Variants in CHCHD6 observed in about 807,000 individuals in gnomAD.
The protein encoded by CHCHD6 is coiled-coil-helix-coiled-coil-helix domain containing 6, also known as MICOS complex subunit MIC25.
In CHCHD6, 28 loss-of-function variants were observed where a neutral mutation model predicts 32.3. The ratio of observed to expected loss-of-function variants is 0.87; its 90% CI spans 0.64 to 1.19. The LOEUF (loss-of-function observed/expected upper bound fraction) is 1.19. CHCHD6 is among the 50% of genes most tolerant of loss of function. CHCHD6 has a pLI of 0.00. For synonymous variants in CHCHD6, 122 were observed against 117.5 expected (o/e 1.04, Z -0.25); for missense variants, 333 against 307.0 (o/e 1.08, Z -0.63).
intron 5 of CHCHD6, among the ~76,000 whole-genome samples, chr3:126,899,714 T>A (rs1387445493): frequency 6.6e-6 from 1 of 152,044 alleles, no homozygotes; most frequent in African/African-American, 2.4e-5. Flanking sequence ...GTCTTGAGAG[T>A]GCCCTTCCAT....
intron 6 of CHCHD6, among the ~76,000 whole-genome samples, chr3:126,931,723 G>T (rs2078409396): frequency 2.6e-5 from 4 of 152,102 alleles, no homozygotes; most frequent in Admixed American, 6.6e-5. Flanking sequence ...CCCCTTCTTA[G>T]TCCTCTGTTC....
intron 5 of CHCHD6, among the ~76,000 whole-genome samples, chr3:126,856,499 A>T (rs534504788): frequency 7.9e-5 from 12 of 152,254 alleles, no homozygotes; most frequent in Admixed American, 7.2e-4. Flanking sequence ...TGGCCGCTGA[A>T]CCCCTTGCCA....
In CHCHD6 at chr3:126,708,650, G is replaced by GAAAAA. The variant is rs552128932; in HGVS notation, c.87+4264_87+4268dup. ...CCAGTGTAGCAAGACCCCATCTCTT[G>GAAAAA]AAAAAAAAAAAAAAAAAGCTTTATT... On this transcript the variant is annotated intron_variant, in intron 1 of 7. Coordinates refer to ENST00000290913, the MANE Select transcript of CHCHD6 (RefSeq NM_032343.3). Among the ~76,000 whole-genome samples the GAAAAA allele has an allele frequency of 2.3e-3, 205 of 90,998 alleles. 3 individuals are homozygous for GAAAAA. The highest frequency in any genetic ancestry group is 0.015 in the South Asian group (40 of 2,638). 59.7% of individuals were successfully genotyped at this position (90,998 alleles called of 152,430 possible). A position where few individuals can be genotyped will look rare whatever the true frequency, so the allele number is the denominator to read the frequency against.
At chr3:126,768,034 C>T (rs994702432) in intron 4 of CHCHD6, among the ~76,000 whole-genome samples, 2 of 152,134 alleles carry the variant, frequency 1.3e-5, no homozygotes, top group Admixed American at 6.5e-5. Context: ...TCTTTCCTAT[C>T]GTGAATAGTG....
chr3:126,834,078 A>AAG (rs1940758058), intron 4 of CHCHD6, among the ~76,000 whole-genome samples: 1 of 150,202 alleles, frequency 6.7e-6, no homozygotes. Flanking sequence ...AAAAAAAAAA[A>AAG]GAATTACCAA....
In CHCHD6 at chr3:126,830,532, G is replaced by T. The variant is rs189495638; in HGVS notation, c.412-22115G>T. 4.6e-5 allele frequency among the ~76,000 whole-genome samples: 7 copies of T among 152,266 alleles called. No homozygotes were observed. In the East Asian group the frequency reaches 1.4e-3, roughly 29 times the overall value. On this transcript the variant is annotated intron_variant, in intron 4 of 7. Coordinates refer to ENST00000290913, the MANE Select transcript of CHCHD6 (RefSeq NM_032343.3). ...CACAACAGAACTTGCTGTCTTCCTCGCCCCCTGCTCTACCAGTGTTCTGTT... is the reference window on the plus strand; with the variant it reads ...CACAACAGAACTTGCTGTCTTCCTCTCCCCCTGCTCTACCAGTGTTCTGTT...
At chr3:126,957,692 A>C in intron 7 of CHCHD6, 141 bp downstream of exon 7, 1 of 1,077,240 alleles carries the variant, frequency 9.3e-7, no homozygotes, top group Non-Finnish European at 1.4e-6. Context: ...TTGCCAAGGG[A>C]GGGATTCTTC....
At chr3:126,862,187 C>G (rs1255237690) in intron 5 of CHCHD6, among the ~76,000 whole-genome samples, 1 of 101,718 alleles carries the variant, frequency 9.8e-6, no homozygotes, top group Non-Finnish European at 2.0e-5. Context: ...TCCTCCTCCA[C>G]CATCACAACC....
At chr3:126,860,162 G>T (rs541310779) in intron 5 of CHCHD6, among the ~76,000 whole-genome samples, 5 of 152,216 alleles carry the variant, frequency 3.3e-5, no homozygotes, top group African/African-American at 1.2e-4. Context: ...AGTGTGAGAG[G>T]CCTATAGAGA....
At chr3:126,795,971 G>A (rs1938773880) in intron 4 of CHCHD6, among the ~76,000 whole-genome samples, 1 of 152,152 alleles carries the variant, frequency 6.6e-6, no homozygotes, top group South Asian at 2.1e-4. Context: ...CAGTTTCAGT[G>A]GTGGGGTTTG....
At chr3:126,907,883 G>A (rs1203753987) in intron 5 of CHCHD6, among the ~76,000 whole-genome samples, 1 of 152,122 alleles carries the variant, frequency 6.6e-6, no homozygotes. Context: ...TCTTCCCAAG[G>A]GACAGCTGGG....
chr3:126,882,152 C>T (rs1365155005), intron 5 of CHCHD6, among the ~76,000 whole-genome samples: 1 of 152,188 alleles, frequency 6.6e-6, no homozygotes, highest in Admixed American at 6.5e-5. Flanking sequence ...CCGTCAGGGG[C>T]GTCTGCCAGA....
intron 5 of CHCHD6, among the ~76,000 whole-genome samples, chr3:126,890,505 C>T (rs994878647): frequency 4.6e-5 from 7 of 152,082 alleles, no homozygotes; most frequent in Admixed American, 2.0e-4. Context: ...CAGGACTCTG[C>T]GAGGCCCCTG....
At chr3:126,719,669 G>A (rs187995626) in intron 1 of CHCHD6, among the ~76,000 whole-genome samples, 93 of 152,286 alleles carry the variant, frequency 6.1e-4, no homozygotes, top group African/African-American at 2.1e-3. Flanking sequence ...ACTGGGTATC[G>A]TTTCTCACCT....
chr3:126,714,076 CAAAAAA>C (rs1157910763), intron 1 of CHCHD6, among the ~76,000 whole-genome samples: 2,950 of 28,512 alleles, frequency 0.1, 34 homozygotes, highest in Non-Finnish European at 0.14. Flanking sequence ...GACTGCATCT[CAAAAAA>C]AAAAAAAAAA....
intron 1 of CHCHD6, 108 bp from the exon 2 acceptor site, chr3:126,726,970 G>C (rs560271007): frequency 1.3e-6 from 1 of 754,070 alleles, no homozygotes; most frequent in Admixed American, 2.2e-5. Flanking sequence ...AGTTGGTCTT[G>C]AGGAAGCAGC....
chr3:126,754,093 C>T (rs1313770050), intron 4 of CHCHD6, among the ~76,000 whole-genome samples: 1 of 152,188 alleles, frequency 6.6e-6, no homozygotes, highest in Non-Finnish European at 1.5e-5. Context: ...ATAAAATAGT[C>T]ATAGCAGTTA....
intron 5 of CHCHD6, among the ~76,000 whole-genome samples, chr3:126,856,897 G>A (rs561720582): frequency 2.6e-5 from 4 of 152,302 alleles, no homozygotes; most frequent in African/African-American, 9.6e-5. Context: ...ATGTCATTAT[G>A]TTCTCTAGCC....
At chr3:126,718,723 C>T (rs1935139184) in intron 1 of CHCHD6, among the ~76,000 whole-genome samples, 1 of 152,228 alleles carries the variant, frequency 6.6e-6, no homozygotes, top group African/African-American at 2.4e-5. Flanking sequence ...CACAGGACCT[C>T]CTGGCCAGCT....
Sources: allele counts gnomAD v4.1 joint callset (sites outside exome capture counted in the v4.1 genomes callset), GRCh38; gene constraint gnomAD v4.1.1; transcripts MANE v1.5; gene names NCBI Gene and HGNC (gene_info 2026-07-23, HGNC 2026-07-21).